Variants in GPR149 observed in about 807,000 individuals in gnomAD.
GPR149 encodes probable G protein-coupled receptor 149.
Under a neutral mutation model 50.2 loss-of-function variants are expected in GPR149, and 50 were observed. The observed-to-expected ratio is 1.00, with a 90% CI of 0.79 to 1.26. The LOEUF is 1.26. Among genes scored for constraint, GPR149 ranks in the 50% most tolerant of loss-of-function variants. GPR149 has a pLI of 0.00. For missense variants in GPR149, 983 were observed against 895.4 expected (o/e 1.10, Z -1.25); for synonymous variants, 405 against 358.2 (o/e 1.13, Z -1.48).
intron 3 of GPR149, among the ~76,000 whole-genome samples, chr3:154,340,414 T>G (rs1559968094): frequency 2.6e-5 from 4 of 152,222 alleles, no homozygotes; most frequent in African/African-American, 9.6e-5. Context: ...ATTTGAGTGG[T>G]GGCAACTTTT....
intron 3 of GPR149, among the ~76,000 whole-genome samples, chr3:154,339,410 C>T (rs1480801677): frequency 1.3e-5 from 2 of 152,220 alleles, no homozygotes; most frequent in Non-Finnish European, 2.9e-5. Context: ...GTGCTTACCA[C>T]TTGTAAAACC....
chr3:154,398,761 G>A (rs1715352487), intron 3 of GPR149, among the ~76,000 whole-genome samples: 1 of 152,062 alleles, frequency 6.6e-6, no homozygotes. Context: ...ATCAATGTAG[G>A]AACTAACTCA....
At chr3:154,374,100 C>A (rs1447391390) in intron 3 of GPR149, among the ~76,000 whole-genome samples, 1 of 151,584 alleles carries the variant, frequency 6.6e-6, no homozygotes, top group Non-Finnish European at 1.5e-5. Flanking sequence ...AGAGCTCAAT[C>A]ATATATCTGA....
At chr3:154,390,331 A>C (rs1429293355) in intron 3 of GPR149, among the ~76,000 whole-genome samples, 1 of 152,190 alleles carries the variant, frequency 6.6e-6, no homozygotes, top group East Asian at 1.9e-4. Flanking sequence ...AGTTCAGGAG[A>C]ACAAAGCATA....
chr3:154,400,581 GCT>G (rs918021742), intron 3 of GPR149, among the ~76,000 whole-genome samples: 1 of 151,830 alleles, frequency 6.6e-6, no homozygotes, highest in Non-Finnish European at 1.5e-5. Flanking sequence ...TCATTCTGAT[GCT>G]CTCTCTATGT....
intron 3 of GPR149, among the ~76,000 whole-genome samples, chr3:154,369,588 G>A (rs891434023): frequency 6.6e-6 from 1 of 152,190 alleles, no homozygotes; most frequent in Non-Finnish European, 1.5e-5. Flanking sequence ...CGTAAACTCC[G>A]TGAGCCAGGC....
intron 3 of GPR149, among the ~76,000 whole-genome samples, chr3:154,341,292 C>CATATATATATATATATATATAT (rs373212063): frequency 1.4e-5 from 1 of 72,938 alleles, no homozygotes; most frequent in Non-Finnish European, 2.5e-5. Context: ...AAAAATAAGA[C>CATATATATATATATATATATAT]ATATATATAT....
intron 3 of GPR149, among the ~76,000 whole-genome samples, chr3:154,391,823 TG>T (rs1715178986): frequency 1.3e-5 from 2 of 151,450 alleles, no homozygotes. Context: ...AGTGTAGGGA[TG>T]GAAAAAATCA....
At chr3:154,392,779 G>T (rs1715199966) in intron 3 of GPR149, among the ~76,000 whole-genome samples, 1 of 151,626 alleles carries the variant, frequency 6.6e-6, no homozygotes, top group Non-Finnish European at 1.5e-5. Flanking sequence ...TTAATAAAAA[G>T]ATTGTAAAAA....
chr3:154,410,578 AG>A, intron 3 of GPR149, among the ~76,000 whole-genome samples: 1 of 152,308 alleles, frequency 6.6e-6, no homozygotes, highest in Non-Finnish European at 1.5e-5. Flanking sequence ...AAGTAGCAGC[AG>A]TTTAAAAAGA....
chr3:154,387,845 T>G (rs56072192), intron 3 of GPR149, among the ~76,000 whole-genome samples: 1 of 152,110 alleles, frequency 6.6e-6, no homozygotes, highest in Non-Finnish European at 1.5e-5. Context: ...ATTTTTACTC[T>G]ACCTATGCTG....
chr3:154,391,792 T>C (rs1715178522), intron 3 of GPR149, among the ~76,000 whole-genome samples: 1 of 151,782 alleles, frequency 6.6e-6, no homozygotes, highest in East Asian at 1.9e-4. Flanking sequence ...AGTTTAGATT[T>C]AAGGACACAT....
At chr3:154,389,242 C>T (rs934548882) in intron 3 of GPR149, among the ~76,000 whole-genome samples, 1 of 152,106 alleles carries the variant, frequency 6.6e-6, no homozygotes, top group South Asian at 2.1e-4. Context: ...AAAATACAAA[C>T]TAATTTACTT....
intron 3 of GPR149, among the ~76,000 whole-genome samples, chr3:154,369,035 G>A (rs1017296590): frequency 6.6e-5 from 10 of 152,208 alleles, no homozygotes; most frequent in South Asian, 6.2e-4. Flanking sequence ...GGTTAAATCC[G>A]GTACATGGAG....
chr3:154,423,060 A>G (rs545873158), intron 2 of GPR149, among the ~76,000 whole-genome samples: 20 of 152,048 alleles, frequency 1.3e-4, no homozygotes, highest in African/African-American at 3.6e-4. Context: ...TCTCAAATAT[A>G]TAAAGCAAAA....
intron 3 of GPR149, among the ~76,000 whole-genome samples, chr3:154,359,104 A>G (rs1714320899): frequency 6.6e-6 from 1 of 152,188 alleles, no homozygotes. Flanking sequence ...AAATCAATGG[A>G]ATTTTCTTCT....
chr3:154,398,854 G>A (rs916964940), intron 3 of GPR149, among the ~76,000 whole-genome samples: 1 of 152,114 alleles, frequency 6.6e-6, no homozygotes, highest in African/African-American at 2.4e-5. Flanking sequence ...ATTGGATCAA[G>A]TCAACTCTGC....
At chr3:154,358,593 G>A (rs957838941) in intron 3 of GPR149, among the ~76,000 whole-genome samples, 1 of 152,138 alleles carries the variant, frequency 6.6e-6, no homozygotes, top group Non-Finnish European at 1.5e-5. Flanking sequence ...TGAAATCAAA[G>A]CCACTACGCA....
At chr3:154,363,113 G>C (rs1714453418) in intron 3 of GPR149, among the ~76,000 whole-genome samples, 1 of 152,182 alleles carries the variant, frequency 6.6e-6, no homozygotes, top group South Asian at 2.1e-4. Flanking sequence ...AGGGGAGGTT[G>C]AGGGGAGATG....
Sources: gnomAD v4.1 joint callset for allele counts (sites outside exome capture counted in the v4.1 genomes callset) on GRCh38, gnomAD v4.1.1 for gene constraint, MANE v1.5 for transcripts, NCBI Gene and HGNC (gene_info 2026-07-23, HGNC 2026-07-21) for gene names.